The following MAGI2 variants were observed in gnomAD, a reference collection of about 807,000 sequenced individuals.
MAGI2 encodes membrane-associated guanylate kinase, WW and PDZ domain-containing protein 2.
Under a neutral mutation model 133.3 loss-of-function variants are expected in MAGI2, and 35 were observed. The observed-to-expected ratio is 0.26, with a 90% CI of 0.20 to 0.35. MAGI2 has a LOEUF of 0.35. MAGI2 is among the 10% of genes least tolerant of loss of function. The probability of loss-of-function intolerance (pLI) is 1.00; values close to 1 mark genes in which losing one functional copy is unlikely to be tolerated. For synonymous variants in MAGI2, 729 were observed against 710.6 expected (o/e 1.03, Z -0.41); for missense variants, 1,636 against 1,863.4 (o/e 0.88, Z 2.25).
chr7:78,948,766 TGAA>T (rs1433014751), intron 2 of MAGI2, among the ~76,000 whole-genome samples: 1 of 152,078 alleles, frequency 6.6e-6, no homozygotes, highest in Non-Finnish European at 1.5e-5. Context: ...GCATGAAACA[TGAA>T]GGAGAGTTTT....
chr7:78,235,890 C>T (rs932063924), intron 10 of MAGI2, among the ~76,000 whole-genome samples: 1 of 151,946 alleles, frequency 6.6e-6, no homozygotes, highest in African/African-American at 2.4e-5. Flanking sequence ...TTCAATTTAA[C>T]AAAGGGTAGT....
chr7:78,916,680 A>G (rs1798821209), intron 2 of MAGI2, among the ~76,000 whole-genome samples: 1 of 152,126 alleles, frequency 6.6e-6, no homozygotes, highest in South Asian at 2.1e-4. Flanking sequence ...GAAAGAAATA[A>G]ACAAACAAGA....
Position 78,832,420 on chromosome 7 carries a change from C to T in MAGI2, c.418+174670G>A, listed in dbSNP as rs112833054. Among the ~76,000 whole-genome samples, 16 of 151,988 alleles carry T rather than the reference C, an allele frequency of 1.1e-4. No homozygotes were observed. The East Asian group carries it at 1.4e-3, about 13-fold the overall frequency. On this transcript the variant is annotated intron_variant, in intron 2 of 21. Transcript: ENST00000354212. ...TTATAAGGAAATTTTATTTTATTGG[C>T]GGTGACAAAATGCATGAAAATAATT... is the stretch of plus-strand genomic sequence containing the variant.
chr7:78,165,716 T>A (rs1315670194), intron 15 of MAGI2, among the ~76,000 whole-genome samples: 1 of 152,144 alleles, frequency 6.6e-6, no homozygotes, highest in African/African-American at 2.4e-5. Context: ...AAGCCAGGCT[T>A]GCACCTCCCA....
At chr7:78,164,067 C>T (rs143086495) in intron 15 of MAGI2, among the ~76,000 whole-genome samples, 2 of 152,126 alleles carry the variant, frequency 1.3e-5, no homozygotes, top group African/African-American at 4.8e-5. Context: ...CACCACAGTC[C>T]TGCCCACTCC....
intron 16 of MAGI2, among the ~76,000 whole-genome samples, chr7:78,144,126 A>T (rs1254757955): frequency 2.0e-5 from 3 of 152,144 alleles, no homozygotes; most frequent in Admixed American, 1.3e-4. Context: ...AGTGTTAGGC[A>T]TTAAAGCAAC....
intron 3 of MAGI2, among the ~76,000 whole-genome samples, chr7:78,524,687 C>T (rs1796800975): frequency 6.6e-6 from 1 of 152,158 alleles, no homozygotes; most frequent in Non-Finnish European, 1.5e-5. Flanking sequence ...CAGACAAATT[C>T]TGAGCAAACA....
chr7:78,023,049 A>C (rs1808563031), intron 21 of MAGI2, among the ~76,000 whole-genome samples: 1 of 152,230 alleles, frequency 6.6e-6, no homozygotes, highest in Non-Finnish European at 1.5e-5. Context: ...TTTTCTGCAC[A>C]GGAACTCTTC....
intron 9 of MAGI2, among the ~76,000 whole-genome samples, chr7:78,311,874 G>C (rs1400675587): frequency 5.3e-5 from 8 of 151,534 alleles, no homozygotes; most frequent in Admixed American, 5.3e-4. Context: ...GGATTGAAGT[G>C]ATTCTCCTGA....
chr7:78,648,613 G>A (rs990453522), intron 2 of MAGI2, among the ~76,000 whole-genome samples: 1 of 152,178 alleles, frequency 6.6e-6, no homozygotes, highest in Non-Finnish European at 1.5e-5. Flanking sequence ...GTCTACCTTG[G>A]ATGAATTAAA....
At chr7:78,571,004 T>A (rs1801441244) in intron 3 of MAGI2, among the ~76,000 whole-genome samples, 1 of 152,206 alleles carries the variant, frequency 6.6e-6, no homozygotes, top group Non-Finnish European at 1.5e-5. Flanking sequence ...ATATTTTAGC[T>A]TGAGTAAATA....
chr7:78,132,996 G>C lies in MAGI2; in HGVS notation c.3096C>G (p.Pro1032=). Reference sequence around the variant, plus strand: ...GGGCCAGGGGACTCTGCTGTGCCAGGGGACTCTGCTGCGCCATGGGACTCT... The same window carrying C: ...GGGCCAGGGGACTCTGCTGTGCCAGCGGACTCTGCTGCGCCATGGGACTCT... ...EKQSPMAQQS[P]LAQQSPLAQP... The change falls in exon 18 of 22, where the codon CCC becomes CCG. Residue 1032 remains proline, a synonymous_variant. Transcript: ENST00000354212. 6.2e-7 allele frequency: 1 copy of C among 1,611,372 alleles called. No homozygotes were observed. Among genetic ancestry groups the C allele is most frequent in the Non-Finnish European group, 8.5e-7 (1 of 1,179,044 alleles).
intron 2 of MAGI2, among the ~76,000 whole-genome samples, chr7:78,751,756 A>T (rs1162398203): frequency 6.6e-6 from 1 of 152,206 alleles, no homozygotes; most frequent in Non-Finnish European, 1.5e-5. Flanking sequence ...AAGCACTGGG[A>T]AACAACCAAA....
intron 1 of MAGI2, among the ~76,000 whole-genome samples, chr7:79,049,569 A>G (rs969176176): frequency 6.6e-6 from 1 of 152,228 alleles, no homozygotes; most frequent in East Asian, 1.9e-4. Context: ...GCCAACATAC[A>G]TCTGTATCTA....
intron 2 of MAGI2, among the ~76,000 whole-genome samples, chr7:78,762,781 G>T (rs1824641174): frequency 6.6e-6 from 1 of 152,130 alleles, no homozygotes; most frequent in Non-Finnish European, 1.5e-5. Flanking sequence ...ATTTTTCCTA[G>T]GATTACTATC....
intron 9 of MAGI2, among the ~76,000 whole-genome samples, chr7:78,262,176 G>A (rs1793577192): frequency 1.3e-5 from 2 of 152,044 alleles, no homozygotes; most frequent in South Asian, 4.1e-4. Flanking sequence ...CAGTCTTGCA[G>A]GTAGCATTAT....
chr7:78,486,346 G>A (rs570032185), intron 6 of MAGI2: 1 of 152,220 alleles, frequency 6.6e-6, no homozygotes, highest in East Asian at 1.9e-4. Context: ...GACCTGCCAA[G>A]AGTAGAGTCC....
intron 6 of MAGI2, among the ~76,000 whole-genome samples, chr7:78,373,517 C>T (rs557813838): frequency 2.3e-4 from 35 of 151,434 alleles, no homozygotes; most frequent in South Asian, 8.4e-4. Context: ...AGCATCAAAA[C>T]GAAAACATGG....
intron 1 of MAGI2, among the ~76,000 whole-genome samples, chr7:79,186,232 A>G (rs931968693): frequency 8.0e-6 from 1 of 125,036 alleles, no homozygotes; most frequent in Non-Finnish European, 1.6e-5. Flanking sequence ...ATATATATAT[A>G]TATATATATA....
Sources: gnomAD v4.1 joint callset for allele counts (sites outside exome capture counted in the v4.1 genomes callset) on GRCh38, gnomAD v4.1.1 for gene constraint, MANE v1.5 for transcripts, NCBI Gene and HGNC (gene_info 2026-07-23, HGNC 2026-07-21) for gene names.